The following ASXL3 variants were observed in gnomAD, a reference collection of about 807,000 sequenced individuals.
ASXL3 encodes ASXL transcriptional regulator 3, also known as putative Polycomb group protein ASXL3.
ASXL3 carries 34 observed loss-of-function variants against 170.6 expected under a neutral mutation model. That is an observed-to-expected ratio of 0.20 (90% CI 0.15 to 0.27). ASXL3 has a LOEUF of 0.27. Ranked by LOEUF, ASXL3 falls within the 10% of genes least tolerant of loss-of-function variation. The pLI, the probability that ASXL3 is intolerant of heterozygous loss-of-function variation, is 1.00. For synonymous variants in ASXL3, 1,002 were observed against 989.1 expected (o/e 1.01, Z -0.24); for missense variants, 2,592 against 2,695.3 (o/e 0.96, Z 0.85).
chr18:33,648,754 G>C (rs566993225), intron 4 of ASXL3, among the ~76,000 whole-genome samples: 2 of 152,190 alleles, frequency 1.3e-5, no homozygotes, highest in South Asian at 2.1e-4. Context: ...AGCTTGGAGA[G>C]AGTATAGAAA....
At chr18:33,585,476 A>C (rs1339088318) in intron 1 of ASXL3, among the ~76,000 whole-genome samples, 3 of 152,162 alleles carry the variant, frequency 2.0e-5, no homozygotes, top group Non-Finnish European at 2.9e-5. Flanking sequence ...TTAGACACCT[A>C]CCTCTCCTCT....
intron 2 of ASXL3, among the ~76,000 whole-genome samples, chr18:33,608,583 G>T (rs932429429): frequency 6.6e-6 from 1 of 152,016 alleles, no homozygotes; most frequent in South Asian, 2.1e-4. Flanking sequence ...AGGAGAAAAA[G>T]GTTTACTATA....
rs377619533 is a variant in ASXL3, at chr18:33,743,312, C to T, written c.3464C>T (p.Ser1155Leu). 2.2e-5 allele frequency: 35 copies of T among 1,613,844 alleles called. 1 individual carries two copies. The Middle Eastern group carries it at 4.9e-4, about 23-fold the overall frequency. Residue 1155 changes from serine (S) to leucine (L), a missense_variant, in exon 12 of 12, where the codon TCG becomes TTG. Ser to Leu is a moderately radical substitution (Grantham distance 145). This residue lies in a region of ASXL3 where 2,246 missense variants were observed against 2,219.6 expected (regional missense o/e 1.01). Transcript: ENST00000269197. ...ACCCCTGAAACAAAAATGGAAGGTT[C>T]GACTGGTGTCATTATTGTCAATCCA... ...SSTPETKMEG[S>L]TGVIIVNPNC... is the part of the protein sequence containing the mutation.
intron 1 of ASXL3, among the ~76,000 whole-genome samples, chr18:33,588,678 G>T (rs187147160): frequency 1.4e-4 from 22 of 152,206 alleles, no homozygotes; most frequent in African/African-American, 5.3e-4. Context: ...GCAGACTCTA[G>T]GTCCCATGTC....
chr18:33,705,472 A>T (rs1387108968), intron 8 of ASXL3, among the ~76,000 whole-genome samples: 6 of 151,804 alleles, frequency 4.0e-5, no homozygotes, highest in Non-Finnish European at 7.4e-5. Context: ...TCTAATTTAT[A>T]TAAAATGAGC....
chr18:33,713,275 G>C (rs1272555936), intron 8 of ASXL3, among the ~76,000 whole-genome samples: 1 of 24,414 alleles, frequency 4.1e-5, no homozygotes, highest in African/African-American at 1.7e-4. Flanking sequence ...TTTTTTTTTT[G>C]AGACAGGGTC....
At chr18:33,713,245 TTTG>T (rs1314609759) in intron 8 of ASXL3, among the ~76,000 whole-genome samples, 2,431 of 77,262 alleles carry the variant, frequency 0.031, 621 homozygotes, top group African/African-American at 0.073. Context: ...TTTGTTTTGT[TTTG>T]TTTTTTTTTT....
At chr18:33,713,241 T>C (rs2067102837) in intron 8 of ASXL3, among the ~76,000 whole-genome samples, 1 of 65,532 alleles carries the variant, frequency 1.5e-5, no homozygotes, top group Non-Finnish European at 2.9e-5. Context: ...TTTTTTTGTT[T>C]TGTTTTGTTT....
intron 8 of ASXL3, among the ~76,000 whole-genome samples, chr18:33,686,345 G>T (rs1268664628): frequency 6.6e-6 from 1 of 152,182 alleles, no homozygotes; most frequent in Non-Finnish European, 1.5e-5. Flanking sequence ...TAGAAAACAA[G>T]TTTAATAAAT....
chr18:33,730,759 C>T (rs2067429086), intron 8 of ASXL3, among the ~76,000 whole-genome samples: 2 of 152,108 alleles, frequency 1.3e-5, no homozygotes, highest in African/African-American at 4.8e-5. Context: ...TTTCCAGCAC[C>T]CATACAAGTG....
Position 33,578,693 on chromosome 18 carries a change from C to A in ASXL3, c.54+8C>A. On this transcript the variant is annotated splice_region_variant and intron_variant, in intron 1 of 11. Coordinates refer to ENST00000269197, the MANE Select transcript of ASXL3 (RefSeq NM_030632.3). ...GCCGAGGCTGCCCGCCTGGTACGTA[C>A]CGCCCCCCACACGCCGCCCGCGCCT... 7.8e-7 allele frequency: 1 copy of A among 1,282,806 alleles called. No individual in the cohort carries two copies. The highest frequency in any genetic ancestry group is 2.1e-5 in the South Asian group (1 of 48,494). 79.5% of individuals were successfully genotyped at this position (1,282,806 alleles called of 1,614,324 possible). A position where few individuals can be genotyped will look rare whatever the true frequency, so the allele number is the denominator to read the frequency against.
chr18:33,679,209 C>G lies in ASXL3; in HGVS notation c.716-4196C>G, dbSNP rs8092061. On this transcript the variant is annotated intron_variant, in intron 7 of 11. Coordinates refer to ENST00000269197, the MANE Select transcript of ASXL3 (RefSeq NM_030632.3). ...AAGAATTAAGCAAATTTTTTTCTCT[C>G]TATATATATATTTTAACATTTTTGC... 3.9e-5 allele frequency among the ~76,000 whole-genome samples: 6 copies of G among 151,964 alleles called. No individual in the cohort carries two copies. The South Asian group carries it at 8.3e-4, about 21-fold the overall frequency.
At chr18:33,683,803 A>G (rs2066550808) in intron 8 of ASXL3, among the ~76,000 whole-genome samples, 1 of 152,216 alleles carries the variant, frequency 6.6e-6, no homozygotes, top group Non-Finnish European at 1.5e-5. Context: ...GAAAACTATA[A>G]ACTTACATTG....
intron 8 of ASXL3, among the ~76,000 whole-genome samples, chr18:33,721,789 A>G (rs2067264737): frequency 6.6e-6 from 1 of 152,074 alleles, no homozygotes; most frequent in Non-Finnish European, 1.5e-5. Context: ...TGCACTTCAC[A>G]AATACTGTTT....
chr18:33,588,462 C>T (rs913966965), intron 1 of ASXL3, among the ~76,000 whole-genome samples: 19 of 149,556 alleles, frequency 1.3e-4, no homozygotes, highest in African/African-American at 4.7e-4. Context: ...GCAGTGAAAA[C>T]ACATAGACAA....
intron 1 of ASXL3, chr18:33,605,531 T>C (rs2065237733): frequency 6.6e-6 from 1 of 151,948 alleles, no homozygotes; most frequent in South Asian, 2.1e-4. Context: ...TTTACTTCCT[T>C]TGTAGAGTAG....
intron 8 of ASXL3, among the ~76,000 whole-genome samples, chr18:33,727,566 A>G (rs1308375292): frequency 6.6e-6 from 1 of 152,174 alleles, no homozygotes; most frequent in Non-Finnish European, 1.5e-5. Flanking sequence ...CCTTTGGAAC[A>G]AAGATTATGA....
At chr18:33,668,195 G>A (rs1184126635) in intron 5 of ASXL3, among the ~76,000 whole-genome samples, 1 of 152,068 alleles carries the variant, frequency 6.6e-6, no homozygotes, top group Non-Finnish European at 1.5e-5. Flanking sequence ...GGAGGCTGAG[G>A]CAGGGAGATC....
chr18:33,708,815 T>C (rs1217123302), intron 8 of ASXL3, among the ~76,000 whole-genome samples: 2 of 152,236 alleles, frequency 1.3e-5, no homozygotes, highest in African/African-American at 4.8e-5. Flanking sequence ...TATTCCAAGG[T>C]ATTTTTCATG....
Sources: gnomAD v4.1 joint callset for allele counts (sites outside exome capture counted in the v4.1 genomes callset) on GRCh38, gnomAD v4.1.1 for gene constraint, gnomAD v4.1.1 regional missense constraint, MANE v1.5 for transcripts, NCBI Gene and HGNC (gene_info 2026-07-23, HGNC 2026-07-21) for gene names.